GHR: variants seen among roughly 807,000 people sequenced by gnomAD.
The protein encoded by GHR is growth hormone receptor.
GHR carries 35 observed loss-of-function variants against 67.1 expected under a neutral mutation model. The ratio of observed to expected loss-of-function variants is 0.52; its 90% CI spans 0.40 to 0.69. GHR has a LOEUF of 0.69. Among genes scored for constraint, GHR ranks in the 30% least tolerant of loss-of-function variants. The pLI, the probability that GHR is intolerant of heterozygous loss-of-function variation, is 0.00. For synonymous variants in GHR, 272 were observed against 269.1 expected (o/e 1.01, Z -0.10); for missense variants, 792 against 764.6 (o/e 1.04, Z -0.42).
chr5:42,654,064 C>G (rs551556706), intron 3 of GHR, among the ~76,000 whole-genome samples: 30 of 151,988 alleles, frequency 2.0e-4, no homozygotes, highest in African/African-American at 7.0e-4. Flanking sequence ...TATTTTTTCC[C>G]TCATCTGTTT....
At position 42,629,084 on chromosome 5, in the gene GHR, T is replaced by C; in HGVS notation, c.117T>C (p.Val39=). 1.4e-6 allele frequency: 2 copies of C among 1,383,542 alleles called. 1 individual carries two copies. 85.7% of individuals were successfully genotyped at this position (1,383,542 alleles called of 1,614,324 possible). ...LSRAPWSLQS[V]NPGLKTNSSK... is the part of the protein sequence containing the mutation. ...GAGCACCCTGGAGTCTGCAAAGTGT[T>C]AATCCAGGCCTAAAGACAAGTAAGA... The change falls in exon 3 of 10, where the codon GTT becomes GTC. Residue 39 remains valine (V), a synonymous_variant. Transcript: ENST00000230882.
Position 42,713,480 on chromosome 5 carries a change from C to A in GHR, c.836C>A (p.Thr279Lys). The change falls in exon 8 of 10, where the codon ACA becomes AAA. Residue 279 changes from threonine (T) to lysine (K), a missense_variant. Transcript: ENST00000230882. ...LIIIFGIFGLTVMLFVFLFSK... is the reference protein window; with the variant it reads ...LIIIFGIFGLKVMLFVFLFSK... ...ATTATCTTTGGAATATTTGGGCTAA[C>A]AGTGATGCTATTTGTATTCTTATTT... 1 of 1,502,994 alleles carries A rather than the reference C, an allele frequency of 6.7e-7. No individual in the cohort carries two copies. Among genetic ancestry groups the A allele is most frequent in the Non-Finnish European group, 9.2e-7 (1 of 1,082,224 alleles). 93.1% of individuals were successfully genotyped at this position (1,502,994 alleles called of 1,614,324 possible). A position where few individuals can be genotyped will look rare whatever the true frequency, so the allele number is the denominator to read the frequency against.
chr5:42,466,378 A>C (rs1452447928), intron 1 of GHR, among the ~76,000 whole-genome samples: 2 of 152,172 alleles, frequency 1.3e-5, no homozygotes, highest in African/African-American at 4.8e-5. Flanking sequence ...CTAGCTTTTA[A>C]AAAATTACTT....
chr5:42,714,910 T>A (rs544713733), intron 8 of GHR, among the ~76,000 whole-genome samples: 2 of 152,220 alleles, frequency 1.3e-5, no homozygotes, highest in Non-Finnish European at 2.9e-5. Flanking sequence ...TCACGAGGTA[T>A]GTAAAGTAAT....
chr5:42,465,303 G>GT (rs1744676206), intron 1 of GHR: 1 of 662,740 alleles, frequency 1.5e-6, no homozygotes, highest in African/African-American at 2.0e-5. Flanking sequence ...TTGAAGAACA[G>GT]ATTTTTTTTT....
intron 2 of GHR, among the ~76,000 whole-genome samples, chr5:42,606,955 A>G (rs1036297367): frequency 4.6e-5 from 7 of 152,176 alleles, no homozygotes; most frequent in African/African-American, 1.7e-4. Context: ...AGCTAGGTGA[A>G]TTGGTGATTA....
At chr5:42,616,465 G>T (rs1753154475) in intron 2 of GHR, among the ~76,000 whole-genome samples, 1 of 151,992 alleles carries the variant, frequency 6.6e-6, no homozygotes, top group Non-Finnish European at 1.5e-5. Context: ...CAGACATAGA[G>T]AAGAATTTAG....
chr5:42,497,586 C>T (rs1476180088), intron 1 of GHR, among the ~76,000 whole-genome samples: 7 of 152,168 alleles, frequency 4.6e-5, no homozygotes, highest in Non-Finnish European at 8.8e-5. Flanking sequence ...TTACATATCA[C>T]CTATGGCTCC....
At chr5:42,499,023 G>T (rs763811711) in intron 1 of GHR, among the ~76,000 whole-genome samples, 6 of 152,198 alleles carry the variant, frequency 3.9e-5, no homozygotes, top group Non-Finnish European at 5.9e-5. Context: ...GTATGAGACA[G>T]AGAGGTAACA....
chr5:42,431,785 C>A (rs184190926), intron 1 of GHR, among the ~76,000 whole-genome samples: 158 of 152,168 alleles, frequency 1.0e-3, no homozygotes, highest in South Asian at 4.1e-4. Context: ...AAGGGGTATC[C>A]TAGGGAAGAA....
intron 2 of GHR, among the ~76,000 whole-genome samples, chr5:42,598,242 A>C (rs983340612): frequency 6.6e-6 from 1 of 152,204 alleles, no homozygotes; most frequent in Non-Finnish European, 1.5e-5. Context: ...AATTAGAGGT[A>C]AGAATGGAGG....
At chr5:42,448,283 C>T (rs184200448) in intron 1 of GHR, among the ~76,000 whole-genome samples, 1 of 152,020 alleles carries the variant, frequency 6.6e-6, no homozygotes, top group African/African-American at 2.4e-5. Flanking sequence ...TAATAATGGC[C>T]ATTCTTGCAG....
Position 42,539,847 on chromosome 5 carries a change from G to A in GHR, c.-11-26017G>A, listed in dbSNP as rs568752969. 9.7e-4 allele frequency among the ~76,000 whole-genome samples: 147 copies of A among 152,178 alleles called. 1 individual carries two copies. The highest frequency in any genetic ancestry group is 3.2e-3 in the African/African-American group (134 of 41,534). On this transcript the variant is annotated intron_variant, in intron 1 of 9. Transcript: ENST00000230882. ...TGTAAATATTATATGTTTATACTAAGCATTTTTATCTTGTACTGAATAATA... is the reference window on the plus strand; with the variant it reads ...TGTAAATATTATATGTTTATACTAAACATTTTTATCTTGTACTGAATAATA...
rs139274501 is a variant in GHR, at chr5:42,430,093, A to G, written c.-12+6138A>G. Among the ~76,000 whole-genome samples the G allele has an allele frequency of 1.1e-4, 16 of 152,354 alleles. No individual in the cohort carries two copies. In the East Asian group the frequency reaches 2.3e-3, roughly 22 times the overall value. On this transcript the variant is annotated intron_variant, in intron 1 of 9. Coordinates refer to ENST00000230882, the MANE Select transcript of GHR (RefSeq NM_000163.5). ...GGAAAGTCTAAAGTGTTCACACTCC[A>G]TAAGCAGGTCCCATGTCCTGTTGTA...
intron 2 of GHR, among the ~76,000 whole-genome samples, chr5:42,575,065 A>G (rs1160649217): frequency 6.6e-6 from 1 of 152,080 alleles, no homozygotes; most frequent in Non-Finnish European, 1.5e-5. Context: ...CCTATTCTTG[A>G]CTATCACTTC....
intron 1 of GHR, among the ~76,000 whole-genome samples, chr5:42,559,498 A>T (rs1301020688): frequency 2.6e-5 from 4 of 152,348 alleles, no homozygotes; most frequent in Non-Finnish European, 5.9e-5. Context: ...GTGAGCTATG[A>T]TTATGCCACT....
At chr5:42,667,437 T>G (rs1019069930) in intron 3 of GHR, among the ~76,000 whole-genome samples, 4 of 152,206 alleles carry the variant, frequency 2.6e-5, no homozygotes, top group Admixed American at 1.3e-4. Context: ...GAATTCATTG[T>G]ACTAATATAA....
rs1317273311 is a variant in GHR, at chr5:42,721,546, A to C, written c.*2122A>C. On this transcript the variant is annotated 3_prime_UTR_variant, in exon 10 of 10. Coordinates refer to ENST00000230882, the MANE Select transcript of GHR (RefSeq NM_000163.5). ...CTATGGTTTTCTCCAAGAGCTACAT[A>C]ATTTAGTTTCATATAAAGTATCATC... 6.6e-6 allele frequency: 1 copy of C among 152,646 alleles called. No individual in the cohort carries two copies. Among genetic ancestry groups the C allele is most frequent in the Non-Finnish European group, 1.5e-5 (1 of 68,042 alleles). 9.5% of individuals were successfully genotyped at this position (152,646 alleles called of 1,614,324 possible).
chr5:42,670,163 T>A (rs2112897711), intron 3 of GHR, among the ~76,000 whole-genome samples: 1 of 152,336 alleles, frequency 6.6e-6, no homozygotes, highest in South Asian at 2.1e-4. Flanking sequence ...GCTACTGGCA[T>A]TAAAACAGAT....
Sources: gnomAD v4.1 joint callset for allele counts (sites outside exome capture counted in the v4.1 genomes callset) on GRCh38, gnomAD v4.1.1 for gene constraint, MANE v1.5 for transcripts, NCBI Gene and HGNC (gene_info 2026-07-23, HGNC 2026-07-21) for gene names.